The following PPEF2 variants were observed in gnomAD, a reference collection of about 807,000 sequenced individuals.
PPEF2 encodes the protein serine/threonine-protein phosphatase with EF-hands 2.
In PPEF2, 84 loss-of-function variants were observed where a neutral mutation model predicts 84.7. That is an observed-to-expected ratio of 0.99 (90% CI 0.83 to 1.19). The LOEUF (loss-of-function observed/expected upper bound fraction) is 1.19. PPEF2 is among the 50% of genes most tolerant of loss of function. The probability of loss-of-function intolerance (pLI) is 0.00; values close to 1 mark genes in which losing one functional copy is unlikely to be tolerated. For missense variants in PPEF2, 924 were observed against 937.5 expected, an observed-to-expected ratio of 0.99 and a Z score of 0.19; for synonymous variants, 346 against 345.2, an observed-to-expected ratio of 1.00 and a Z score of -0.03.
intron 14 of PPEF2, 38 bp downstream of exon 14, chr4:75,867,275 T>C: frequency 2.0e-6 from 3 of 1,522,410 alleles, no homozygotes; most frequent in Non-Finnish European, 2.7e-6. Context: ...TCTGGCTAGC[T>C]TCCTTCCTCT....
intron 13 of PPEF2, among the ~76,000 whole-genome samples, chr4:75,869,105 G>T (rs1724204688): frequency 6.6e-6 from 1 of 152,164 alleles, no homozygotes; most frequent in African/African-American, 2.4e-5. Context: ...ACAGTTTGTT[G>T]TTTTATCAGA....
At chr4:75,881,394 G>A (rs1055120809) in intron 10 of PPEF2, 4 of 152,058 alleles carry the variant, frequency 2.6e-5, no homozygotes, top group South Asian at 2.1e-4. Context: ...CATCACACCC[G>A]GCCCTCTACA....
At chr4:75,900,916 G>A (rs1169040297) in intron 1 of PPEF2, among the ~76,000 whole-genome samples, 1 of 152,014 alleles carries the variant, frequency 6.6e-6, no homozygotes, top group African/African-American at 2.4e-5. Context: ...AATTCCAGAA[G>A]AGCACGCCTA....
In PPEF2 at chr4:75,883,190, G is replaced by T; in HGVS notation, c.759C>A (p.Thr253=). Residue 253 remains threonine, a synonymous_variant, in exon 9 of 17, where the codon ACC becomes ACA. Coordinates refer to ENST00000286719, the MANE Select transcript of PPEF2 (RefSeq NM_006239.3). ...CCTTGTATTTATTCATCACTTCCTT[G>T]GTGAAGCCATATCTAGATTTAGAAG... ...DHMVNLRYGF[T]KEVMNKYKVH... is the part of the protein sequence containing the mutation. The T allele has an allele frequency of 6.2e-7, 1 of 1,613,370 alleles. No homozygotes were observed. Among genetic ancestry groups the T allele is most frequent in the Non-Finnish European group, 8.5e-7 (1 of 1,179,678 alleles).
intron 1 of PPEF2, among the ~76,000 whole-genome samples, chr4:75,898,100 A>G (rs1207954038): frequency 6.6e-6 from 1 of 152,238 alleles, no homozygotes; most frequent in Non-Finnish European, 1.5e-5. Flanking sequence ...CAGCAGGAGC[A>G]TGTCCTTAAG....
chr4:75,871,946 T>C, intron 13 of PPEF2, 79 bp downstream of exon 13: 3 of 1,406,394 alleles, frequency 2.1e-6, no homozygotes, highest in Non-Finnish European at 2.9e-6. Flanking sequence ...TGAATAAATA[T>C]AACGTTTGAC....
intron 4 of PPEF2, among the ~76,000 whole-genome samples, 177 bp downstream of exon 4, chr4:75,891,471 G>A (rs943668249): frequency 1.3e-5 from 2 of 152,120 alleles, no homozygotes; most frequent in African/African-American, 4.8e-5. Context: ...CTTGTCTCCA[G>A]GTGTGTGTTC....
At chr4:75,863,320 T>C (rs1724049534) in intron 16 of PPEF2, among the ~76,000 whole-genome samples, 2 of 110,624 alleles carry the variant, frequency 1.8e-5, no homozygotes, top group African/African-American at 6.6e-5. Flanking sequence ...TGAAATCCTG[T>C]CTCTACTAAA....
chr4:75,885,244 C>T (rs975119631), intron 7 of PPEF2, among the ~76,000 whole-genome samples: 1 of 151,994 alleles, frequency 6.6e-6, no homozygotes, highest in South Asian at 2.1e-4. Context: ...ATGAAAATAG[C>T]TTTTGGTTGT....
At chr4:75,887,467 A>C (rs1308150997) in intron 6 of PPEF2, among the ~76,000 whole-genome samples, 1 of 151,992 alleles carries the variant, frequency 6.6e-6, no homozygotes, top group Non-Finnish European at 1.5e-5. Flanking sequence ...TAAAAATACA[A>C]AAAATTAGCC....
At chr4:75,880,787 C>T (rs1724549087) in intron 10 of PPEF2, among the ~76,000 whole-genome samples, 1 of 147,628 alleles carries the variant, frequency 6.8e-6, no homozygotes. Flanking sequence ...CATAGTGAGA[C>T]CCCATCCCTA....
At chr4:75,863,804 A>G (rs1307318940) in intron 16 of PPEF2, among the ~76,000 whole-genome samples, 3 of 151,950 alleles carry the variant, frequency 2.0e-5, no homozygotes, top group African/African-American at 4.8e-5. Context: ...TTTCTATTCT[A>G]AGCACTTTTC....
Position 75,860,664 on chromosome 4 carries a change from T to C in PPEF2, c.*3A>G. On this transcript the variant is annotated 3_prime_UTR_variant, in exon 17 of 17. Transcript: ENST00000286719. ...ACTTTGGGTGATGAAGACCAGGCTG[T>C]TCTTAGTGTGCACCTGGACTGCTGC... 4 of 1,613,808 alleles carry C rather than the reference T, an allele frequency of 2.5e-6. No individual in the cohort carries two copies. The highest frequency in any genetic ancestry group is 1.1e-5 in the South Asian group (1 of 91,060).
At chr4:75,870,133 T>C (rs371466212) in intron 13 of PPEF2, among the ~76,000 whole-genome samples, 21 of 152,258 alleles carry the variant, frequency 1.4e-4, no homozygotes, top group East Asian at 9.6e-4. Context: ...TACTATTACA[T>C]TACTACATTA....
At chr4:75,899,814 A>G (rs140390323) in intron 1 of PPEF2, among the ~76,000 whole-genome samples, 1 of 152,234 alleles carries the variant, frequency 6.6e-6, no homozygotes, top group East Asian at 1.9e-4. Context: ...GCACAGTTTT[A>G]GAACTAGAAG....
At chr4:75,882,825 A>G (rs886201092) in intron 10 of PPEF2, 101 bp downstream of exon 10, 5 of 1,310,840 alleles carry the variant, frequency 3.8e-6, no homozygotes, top group Non-Finnish European at 5.3e-6. Flanking sequence ...CACTCTTAAC[A>G]GCCATAATCA....
chr4:75,863,142 G>A (rs1427246945), intron 16 of PPEF2, among the ~76,000 whole-genome samples: 1 of 152,136 alleles, frequency 6.6e-6, no homozygotes, highest in Non-Finnish European at 1.5e-5. Flanking sequence ...TCGTGGAGGA[G>A]GGATAGGGAA....
intron 7 of PPEF2, among the ~76,000 whole-genome samples, chr4:75,885,117 A>T (rs1252470640): frequency 6.6e-6 from 1 of 152,232 alleles, no homozygotes; most frequent in African/African-American, 2.4e-5. Context: ...ATTAAACAAG[A>T]TAATGCATGG....
intron 16 of PPEF2, 74 bp from the exon 17 acceptor site, chr4:75,860,994 A>G: frequency 6.6e-7 from 1 of 1,517,130 alleles, no homozygotes; most frequent in Non-Finnish European, 9.0e-7. Context: ...CATTCTTACA[A>G]GGACACCTGC....
Sources: allele counts gnomAD v4.1 joint callset (sites outside exome capture counted in the v4.1 genomes callset), GRCh38; gene constraint gnomAD v4.1.1; transcripts MANE v1.5; gene names NCBI Gene and HGNC (gene_info 2026-07-23, HGNC 2026-07-21).